Variants in IPMK observed in about 807,000 individuals in gnomAD.
IPMK encodes inositol polyphosphate multikinase.
Under a neutral mutation model 45.8 loss-of-function variants are expected in IPMK, and 17 were observed. The observed-to-expected ratio is 0.37, with a 90% CI of 0.25 to 0.56. The LOEUF is 0.56. Ranked by LOEUF, IPMK falls within the 20% of genes least tolerant of loss-of-function variation. The pLI, the probability that IPMK is intolerant of heterozygous loss-of-function variation, is 0.79. For missense variants in IPMK, 399 were observed against 498.0 expected, an observed-to-expected ratio of 0.80 and a Z score of 1.89; for synonymous variants, 180 against 184.3, an observed-to-expected ratio of 0.98 and a Z score of 0.19.
chr10:58,232,921 T>C (rs571005006), intron 2 of IPMK, among the ~76,000 whole-genome samples: 6 of 152,072 alleles, frequency 3.9e-5, no homozygotes, highest in African/African-American at 7.2e-5. Context: ...ACAAAACTGA[T>C]AGACCACTAG....
rs556535524 is a variant in IPMK, at chr10:58,266,499, G to A, written c.190+923C>T. 2.1e-4 allele frequency among the ~76,000 whole-genome samples: 32 copies of A among 152,216 alleles called. No homozygotes were observed. In the South Asian group the frequency reaches 6.6e-3, roughly 32 times the overall value. ...AACCAGGGTTGGCCTTAGTCACCTC[G>A]TCTAAAAATGTCAGTATTAGCAACC... On this transcript the variant is annotated intron_variant, in intron 1 of 5. Coordinates refer to ENST00000373935, the MANE Select transcript of IPMK (RefSeq NM_152230.5).
intron 5 of IPMK, among the ~76,000 whole-genome samples, chr10:58,197,326 A>AATAAATACATACATACATAC (rs764500371): frequency 1.8e-4 from 27 of 146,430 alleles, no homozygotes; most frequent in African/African-American, 6.6e-4. Context: ...TAAATAAATA[A>AATAAATACATACATACATAC]ATACATAAAT....
At chr10:58,239,178 G>A (rs1041252485) in intron 1 of IPMK, among the ~76,000 whole-genome samples, 1 of 152,082 alleles carries the variant, frequency 6.6e-6, no homozygotes, top group Non-Finnish European at 1.5e-5. Flanking sequence ...TTTTAAAAAG[G>A]CCTAGATATA....
chr10:58,201,928 A>G (rs1249786747), intron 4 of IPMK, among the ~76,000 whole-genome samples: 1 of 152,240 alleles, frequency 6.6e-6, no homozygotes, highest in Non-Finnish European at 1.5e-5. Flanking sequence ...CCACAACATT[A>G]CCTCAAGTCA....
rs913891219 is a variant in IPMK at position 58,196,400 on chromosome 10, T to C, written c.927A>G (p.Ser309=). The change falls in exon 6 of 6, where the codon TCA becomes TCG. Residue 309 remains serine, a synonymous_variant. Coordinates refer to ENST00000373935, the MANE Select transcript of IPMK (RefSeq NM_152230.5). ...ACATCTTGGACAAGCTTTTGCCCAC[T>C]GAAGACTCTATTTTTCCATTAGCTG... ...SSTANGKIES[S]VGKSLSKMYA... is the part of the protein sequence containing the mutation. 3.1e-6 allele frequency: 5 copies of C among 1,614,136 alleles called. No individual in the cohort carries two copies. The Admixed American group carries it at 8.3e-5, about 27-fold the overall frequency.
intron 3 of IPMK, 107 bp downstream of exon 3, chr10:58,226,936 T>G (rs1838425276): frequency 1.6e-6 from 1 of 637,430 alleles, no homozygotes; most frequent in Non-Finnish European, 2.7e-6. Context: ...ATATATATTT[T>G]GTGTTTTTAT....
At chr10:58,237,228 T>C (rs1194743276) in intron 2 of IPMK, among the ~76,000 whole-genome samples, 1 of 152,138 alleles carries the variant, frequency 6.6e-6, no homozygotes, top group Non-Finnish European at 1.5e-5. Context: ...CTGGAGGGTA[T>C]GAGAAGAGTT....
intron 3 of IPMK, among the ~76,000 whole-genome samples, chr10:58,226,821 T>A (rs985530772): frequency 2.0e-5 from 3 of 152,202 alleles, no homozygotes; most frequent in Non-Finnish European, 4.4e-5. Context: ...TCCATTCAAC[T>A]ATAAGAGATT....
At position 58,196,487 on chromosome 10, in the gene IPMK, T is replaced by A. The variant is rs1221061301; in HGVS notation, c.840A>T (p.Lys280Asn). 3.1e-6 allele frequency: 5 copies of A among 1,613,944 alleles called. No individual in the cohort carries two copies. The highest frequency in any genetic ancestry group is 4.2e-6 in the Non-Finnish European group (5 of 1,179,970). The change falls in exon 6 of 6, where the codon AAA becomes AAT. Residue 280 changes from lysine (K) to asparagine (N), a missense_variant. Physicochemically the swap from Lys to Asn is moderately conservative, Grantham distance 94. Coordinates refer to ENST00000373935, the MANE Select transcript of IPMK (RefSeq NM_152230.5). ...GTACTTCTGTGTCTGACAGTTGTCC[T>A]TTGGACAAAAACTTTTCTGCCAAAG... is the stretch of plus-strand genomic sequence containing the variant. ...DRTLAEKFLS[K>N]GQLSDTEVLE... is the part of the protein sequence containing the mutation.
chr10:58,193,225 A>G lies in IPMK; in HGVS notation c.*2851T>C, dbSNP rs1183210066. 6.6e-6 allele frequency: 1 copy of G among 151,988 alleles called. No individual in the cohort carries two copies. The highest frequency in any genetic ancestry group is 1.5e-5 in the Non-Finnish European group (1 of 67,844). The allele number at this position is 151,988 out of a possible 1,614,324, so 9.4% of individuals were successfully genotyped here. Reference sequence around the variant, plus strand: ...TTGATACATAGACTTGATAGACATAAGAACATCATCTTGGAAATCATAAAA... The same window carrying G: ...TTGATACATAGACTTGATAGACATAGGAACATCATCTTGGAAATCATAAAA... On this transcript the variant is annotated 3_prime_UTR_variant, in exon 6 of 6. Coordinates refer to ENST00000373935, the MANE Select transcript of IPMK (RefSeq NM_152230.5).
intron 5 of IPMK, 122 bp downstream of exon 5, chr10:58,199,118 T>C (rs919912081): frequency 1.0e-4 from 60 of 590,228 alleles, no homozygotes; most frequent in African/African-American, 8.9e-4. Context: ...CTAAGTTTCA[T>C]TATTATTTAA....
chr10:58,233,349 C>G (rs1459781549), intron 2 of IPMK, among the ~76,000 whole-genome samples: 1 of 152,140 alleles, frequency 6.6e-6, no homozygotes, highest in African/African-American at 2.4e-5. Flanking sequence ...GATACCAAAG[C>G]CTGGCAGAGA....
intron 4 of IPMK, 107 bp from the exon 5 acceptor site, chr10:58,199,428 C>A: frequency 6.8e-6 from 4 of 584,126 alleles, no homozygotes; most frequent in South Asian, 7.2e-5. Flanking sequence ...GTAATTCATT[C>A]TAATAGATTT....
Position 58,193,375 on chromosome 10 carries a change from T to C in IPMK, c.*2701A>G, listed in dbSNP as rs1247660387. The C allele has an allele frequency of 6.6e-6, 1 of 151,874 alleles. No individual in the cohort carries two copies. Among genetic ancestry groups the C allele is most frequent in the African/African-American group, 2.4e-5 (1 of 41,428 alleles). The allele number at this position is 151,874 out of a possible 1,614,324, so 9.4% of individuals were successfully genotyped here. A position where few individuals can be genotyped will look rare whatever the true frequency, so the allele number is the denominator to read the frequency against. ...ACAATCTTTCCAGACACACAACTAA[T>C]AATGAATACTGAGTTGAAATACCAC... On this transcript the variant is annotated 3_prime_UTR_variant, in exon 6 of 6. Coordinates refer to ENST00000373935, the MANE Select transcript of IPMK (RefSeq NM_152230.5).
In IPMK at chr10:58,217,906, T is replaced by G. The variant is rs16911957; in HGVS notation, c.374-1589A>C. Among the ~76,000 whole-genome samples the G allele has an allele frequency of 6.0e-3, 911 of 152,174 alleles. 10 individuals are homozygous for G. The highest frequency in any genetic ancestry group is 0.021 in the African/African-American group (864 of 41,532). ...AGCCTTACTCTCTGATGTCCTTTCA[T>G]TATCCCCATTCCACCAAGACTAGCA... On this transcript the variant is annotated intron_variant, in intron 3 of 5. Coordinates refer to ENST00000373935, the MANE Select transcript of IPMK (RefSeq NM_152230.5).
At chr10:58,262,505 T>C (rs1482355388) in intron 1 of IPMK, among the ~76,000 whole-genome samples, 1 of 152,176 alleles carries the variant, frequency 6.6e-6, no homozygotes, top group Non-Finnish European at 1.5e-5. Flanking sequence ...ATCATGTCCA[T>C]TGAAAAGTCC....
chr10:58,207,258 C>T (rs1838084756), intron 4 of IPMK, among the ~76,000 whole-genome samples: 1 of 152,228 alleles, frequency 6.6e-6, no homozygotes, highest in Non-Finnish European at 1.5e-5. Flanking sequence ...CTGCCTCGGC[C>T]TCCCGAAGTG....
At chr10:58,199,718 T>G (rs192753181) in intron 4 of IPMK, among the ~76,000 whole-genome samples, 3 of 152,114 alleles carry the variant, frequency 2.0e-5, no homozygotes, top group African/African-American at 7.2e-5. Context: ...TCCTAGTAAA[T>G]GCAATTAGAG....
rs1364516344 is a variant in IPMK, at chr10:58,193,353, A to G, written c.*2723T>C. ...AGTGTAAAGAGGAAAAGTAAGTACAATCTTTCCAGACACACAACTAATAAT... is the reference window on the plus strand; with the variant it reads ...AGTGTAAAGAGGAAAAGTAAGTACAGTCTTTCCAGACACACAACTAATAAT... On this transcript the variant is annotated 3_prime_UTR_variant, in exon 6 of 6. Coordinates refer to ENST00000373935, the MANE Select transcript of IPMK (RefSeq NM_152230.5). 1 of 151,886 alleles carries G rather than the reference A, an allele frequency of 6.6e-6. No homozygotes were observed. The highest frequency in any genetic ancestry group is 1.9e-4 in the East Asian group (1 of 5,184). 9.4% of individuals were successfully genotyped at this position (151,886 alleles called of 1,614,324 possible). A position where few individuals can be genotyped will look rare whatever the true frequency, so the allele number is the denominator to read the frequency against.
Sources: allele counts gnomAD v4.1 joint callset (sites outside exome capture counted in the v4.1 genomes callset), GRCh38; gene constraint gnomAD v4.1.1; transcripts MANE v1.5; gene names NCBI Gene and HGNC (gene_info 2026-07-23, HGNC 2026-07-21).